The following IFT122 variants were observed in gnomAD, a reference collection of about 807,000 sequenced individuals.
IFT122 encodes intraflagellar transport protein 122 homolog.
IFT122 carries 118 observed loss-of-function variants against 161.6 expected under a neutral mutation model. That is an observed-to-expected ratio of 0.73 (90% CI 0.63 to 0.85). IFT122 has a LOEUF of 0.85. Among genes scored for constraint, IFT122 ranks in the 40% least tolerant of loss-of-function variants. The probability of loss-of-function intolerance (pLI) is 0.00; values close to 1 mark genes in which losing one functional copy is unlikely to be tolerated. For synonymous variants in IFT122, 550 were observed against 602.4 expected, an observed-to-expected ratio of 0.91 and a Z score of 1.27; for missense variants, 1,381 against 1,579.6, an observed-to-expected ratio of 0.87 and a Z score of 2.13.
At position 129,506,390 on chromosome 3, in the gene IFT122, C is replaced by T. The variant is rs1486799636; in HGVS notation, c.2651-19C>T. The T allele has an allele frequency of 2.5e-6, 4 of 1,612,568 alleles. No homozygotes were observed. The highest frequency in any genetic ancestry group is 3.4e-6 in the Non-Finnish European group (4 of 1,179,928). Reference sequence around the variant, plus strand: ...CCTAAATAGCATGTGCTTTTTTCCTCCCTCCACCACTCCTACAGCGTTCCA... The same window carrying T: ...CCTAAATAGCATGTGCTTTTTTCCTTCCTCCACCACTCCTACAGCGTTCCA... On this transcript the variant is annotated intron_variant, in intron 21 of 29. Transcript: ENST00000348417.
chr3:129,462,121 T>G (rs2076272776), intron 5 of IFT122, among the ~76,000 whole-genome samples: 1 of 152,160 alleles, frequency 6.6e-6, no homozygotes, highest in African/African-American at 2.4e-5. Flanking sequence ...AAAGAGAGAA[T>G]GGAATTGAAA....
In IFT122 at chr3:129,440,500, G is replaced by A. The variant is rs116562470; in HGVS notation, c.41+129G>A. On this transcript the variant is annotated intron_variant, in intron 1 of 29. Coordinates refer to ENST00000348417, the MANE Select transcript of IFT122 (RefSeq NM_052989.3). ...GCCGAGGGCACTGAACCCCGGCCTG[G>A]GAGACTGCAGGGTCGCCCTCCCGCC... is the stretch of plus-strand genomic sequence containing the variant. The A allele has an allele frequency of 5.7e-3, 6,348 of 1,123,272 alleles. 24 individuals carry two copies. Among genetic ancestry groups the A allele is most frequent in the Non-Finnish European group, 7.4e-3 (5,634 of 765,006 alleles). 69.6% of individuals were successfully genotyped at this position (1,123,272 alleles called of 1,614,324 possible).
At chr3:129,474,438 A>G (rs1399512396) in intron 9 of IFT122, among the ~76,000 whole-genome samples, 1 of 152,210 alleles carries the variant, frequency 6.6e-6, no homozygotes, top group Non-Finnish European at 1.5e-5. Context: ...GTAATAAGGA[A>G]CTTGGGCTTT....
chr3:129,471,187 C>T (rs927074292), intron 9 of IFT122, among the ~76,000 whole-genome samples: 2 of 152,194 alleles, frequency 1.3e-5, no homozygotes, highest in Non-Finnish European at 2.9e-5. Flanking sequence ...CAAAACATGT[C>T]ATGTAAGAGG....
rs1577591589 is a variant in IFT122, at chr3:129,476,874, T to G, written c.1147+73T>G. On this transcript the variant is annotated intron_variant, in intron 11 of 29. Coordinates refer to ENST00000348417, the MANE Select transcript of IFT122 (RefSeq NM_052989.3). ...TGGAAAGGGCTGGTGACAGGGCACTTGAAATGACAGGAAAAGGTTTCTCTT... is the reference window on the plus strand; with the variant it reads ...TGGAAAGGGCTGGTGACAGGGCACTGGAAATGACAGGAAAAGGTTTCTCTT... 6 of 1,584,336 alleles carry G rather than the reference T, an allele frequency of 3.8e-6. No homozygotes were observed. The East Asian group carries it at 1.3e-4, about 35-fold the overall frequency.
chr3:129,450,943 A>C (rs1402306649), intron 2 of IFT122, among the ~76,000 whole-genome samples: 1 of 151,806 alleles, frequency 6.6e-6, no homozygotes, highest in African/African-American at 2.4e-5. Flanking sequence ...GATGGTCTCG[A>C]TCTCCTGACC....
chr3:129,490,016 A>G (rs141936098), intron 16 of IFT122, among the ~76,000 whole-genome samples: 289 of 151,588 alleles, frequency 1.9e-3, no homozygotes, highest in African/African-American at 6.8e-3. Context: ...TTTTATAAAT[A>G]TATATATTTT....
chr3:129,471,204 T>A (rs1231412929), intron 9 of IFT122, among the ~76,000 whole-genome samples: 1 of 151,960 alleles, frequency 6.6e-6, no homozygotes, highest in Non-Finnish European at 1.5e-5. Context: ...GAGGGAAGAG[T>A]TTTAGATGTG....
In IFT122 at chr3:129,492,202, A is replaced by AT. The variant is rs1559951552; in HGVS notation, c.2046+9dup. On this transcript the variant is annotated intron_variant, in intron 17 of 29. Coordinates refer to ENST00000348417, the MANE Select transcript of IFT122 (RefSeq NM_052989.3). ...CTCATCAGCAGCATTGAGGTAAAAG[A>AT]TGAAGCATTTTTCCTTCTCAAGAAG... 2 of 1,609,790 alleles carry AT rather than the reference A, an allele frequency of 1.2e-6. No individual in the cohort carries two copies. Among genetic ancestry groups the AT allele is most frequent in the African/African-American group, 2.7e-5 (2 of 74,864 alleles).
chr3:129,444,272 A>G (rs1457452632), intron 1 of IFT122, among the ~76,000 whole-genome samples: 3 of 152,250 alleles, frequency 2.0e-5, no homozygotes, highest in Non-Finnish European at 4.4e-5. Flanking sequence ...AGCGTAAGAA[A>G]CAAGGAAGGC....
chr3:129,503,124 A>T (rs867786476), intron 20 of IFT122, among the ~76,000 whole-genome samples: 1 of 152,210 alleles, frequency 6.6e-6, no homozygotes, highest in Admixed American at 6.5e-5. Context: ...CAGCTCTGCC[A>T]GGGTGGTGAC....
chr3:129,516,551 C>CACACACACACAG (rs1330486945), intron 26 of IFT122, among the ~76,000 whole-genome samples: 1 of 120,916 alleles, frequency 8.3e-6, no homozygotes, highest in Non-Finnish European at 1.8e-5. Flanking sequence ...TGCACACACA[C>CACACACACACAG]AGATTGCTCC....
rs1165364488 is a variant in IFT122, at chr3:129,519,816, C to T, written c.3636+84C>T. 3.9e-6 allele frequency: 6 copies of T among 1,525,228 alleles called. No homozygotes were observed. In the Admixed American group the frequency reaches 6.7e-5, roughly 17 times the overall value. The allele number at this position is 1,525,228 out of a possible 1,614,324, so 94.5% of individuals were successfully genotyped here. A position where few individuals can be genotyped will look rare whatever the true frequency, so the allele number is the denominator to read the frequency against. On this transcript the variant is annotated intron_variant, in intron 29 of 29. Transcript: ENST00000348417. ...AATGTCCCTCTGGGAGGCGTGGCCC[C>T]TGGGAGGAGGGGCACATCCATGGCT...
chr3:129,509,352 G>A (rs779388799), intron 23 of IFT122, among the ~76,000 whole-genome samples: 3 of 152,112 alleles, frequency 2.0e-5, no homozygotes, highest in Admixed American at 6.5e-5. Flanking sequence ...GATCAGCTTC[G>A]ATGATTGCTC....
chr3:129,456,206 T>TA (rs2075460383), intron 3 of IFT122: 2 of 1,281,058 alleles, frequency 1.6e-6, no homozygotes, highest in African/African-American at 1.5e-5. Flanking sequence ...GCCCAAAGCT[T>TA]ATGCTTTTCA....
intron 14 of IFT122, among the ~76,000 whole-genome samples, 170 bp from the exon 15 acceptor site, chr3:129,483,315 T>G (rs1337761121): frequency 6.6e-6 from 1 of 152,096 alleles, no homozygotes; most frequent in East Asian, 1.9e-4. Context: ...TCTGTTCATT[T>G]CTCTTGCCTC....
chr3:129,461,055 G>A, intron 4 of IFT122, 173 bp from the exon 5 acceptor site: 1 of 990,316 alleles, frequency 1.0e-6, no homozygotes, highest in South Asian at 1.3e-5. Context: ...AGGAGAAGGA[G>A]AATTAATTCT....
Position 129,460,041 on chromosome 3 carries a change from C to T in IFT122, c.273-1187C>T, listed in dbSNP as rs548442998. On this transcript the variant is annotated intron_variant, in intron 4 of 29. Transcript: ENST00000348417. ...CTGGGATTACAGATACGAGCCACTGCACCTGGCCTCTTTTCAATTGTGGTA... is the reference window on the plus strand; with the variant it reads ...CTGGGATTACAGATACGAGCCACTGTACCTGGCCTCTTTTCAATTGTGGTA... Among the ~76,000 whole-genome samples, 17 of 152,060 alleles carry T rather than the reference C, an allele frequency of 1.1e-4. No homozygotes were observed. The East Asian group carries it at 3.1e-3, about 28-fold the overall frequency.
At chr3:129,474,000 G>A (rs1297238267) in intron 9 of IFT122, among the ~76,000 whole-genome samples, 2 of 152,204 alleles carry the variant, frequency 1.3e-5, no homozygotes, top group Non-Finnish European at 2.9e-5. Context: ...TCCATGTCGT[G>A]ATTCATAAGA....
Sources: gnomAD v4.1 joint callset for allele counts (sites outside exome capture counted in the v4.1 genomes callset) on GRCh38, gnomAD v4.1.1 for gene constraint, MANE v1.5 for transcripts, NCBI Gene and HGNC (gene_info 2026-07-23, HGNC 2026-07-21) for gene names.